KCNG3: variants seen among roughly 807,000 people sequenced by gnomAD.
KCNG3 encodes potassium voltage-gated channel modifier subfamily G member 3.
Under a neutral mutation model 29.0 loss-of-function variants are expected in KCNG3, and 15 were observed. The ratio of observed to expected loss-of-function variants is 0.52; its 90% CI spans 0.35 to 0.80. The LOEUF is 0.80. KCNG3 is among the 30% of genes least tolerant of loss of function. KCNG3 has a pLI of 0.01. For synonymous variants in KCNG3, 322 were observed against 248.9 expected, an observed-to-expected ratio of 1.29 and a Z score of -2.76; for missense variants, 512 against 605.7, an observed-to-expected ratio of 0.85 and a Z score of 1.62.
chr2:42,438,230 A>G (rs2103651724), downstream of KCNG3, among the ~76,000 whole-genome samples: 1 of 152,316 alleles, frequency 6.6e-6, no homozygotes, highest in East Asian at 1.9e-4. Context: ...CCTGTGTAAC[A>G]TAGGGAGACC....
chr2:42,437,245 A>C (rs1332694236), downstream of KCNG3, among the ~76,000 whole-genome samples: 8 of 152,338 alleles, frequency 5.3e-5, no homozygotes, highest in South Asian at 2.1e-4. Flanking sequence ...GATCTTTTTA[A>C]ACAGGGTTAA....
the KCNG3 span, among the ~76,000 whole-genome samples, chr2:42,430,491 C>T: frequency 6.6e-6 from 1 of 151,610 alleles, no homozygotes. Flanking sequence ...GGCTCATGCC[C>T]GTAATCCCAG....
the KCNG3 span, among the ~76,000 whole-genome samples, chr2:42,434,641 A>G: frequency 1.4e-5 from 2 of 146,128 alleles, no homozygotes; most frequent in East Asian, 4.0e-4. Context: ...ACTCCAGCCT[A>G]AGCAACAAGA....
the KCNG3 span, among the ~76,000 whole-genome samples, chr2:42,394,309 G>C: frequency 1.3e-5 from 2 of 152,096 alleles, no homozygotes; most frequent in Non-Finnish European, 2.9e-5. Flanking sequence ...ACAGTCTGCC[G>C]ACACCACGGC....
chr2:42,441,647 C>T (rs891030495), downstream of KCNG3, among the ~76,000 whole-genome samples: 6 of 90,554 alleles, frequency 6.6e-5, no homozygotes, highest in African/African-American at 1.9e-4. Flanking sequence ...CAAGAGATTT[C>T]ACACTTGTTA....
intron 1 of KCNG3, among the ~76,000 whole-genome samples, chr2:42,478,648 T>C (rs1339066987): frequency 2.0e-5 from 3 of 152,178 alleles, no homozygotes; most frequent in African/African-American, 4.8e-5. Context: ...GAAGCCCTTC[T>C]GGGACACCCC....
the KCNG3 span, among the ~76,000 whole-genome samples, chr2:42,389,179 A>G: frequency 6.6e-6 from 1 of 152,066 alleles, no homozygotes; most frequent in African/African-American, 2.4e-5. Flanking sequence ...CAGCCTCCCA[A>G]AGTGCTAGGA....
In KCNG3 at chr2:42,444,631, T is replaced by TA. The variant is rs1005866613; in HGVS notation, c.666-53dup. On this transcript the variant is annotated intron_variant, in intron 1 of 1. Transcript: ENST00000306078. The surrounding 1 kb of genome is among the most constrained non-coding windows in gnomAD (Gnocchi z 5.8). ...ATCATTTTATTTTTAAGCATTTTAATAGCTCTTAGATTTCTTCAGATAGTA... is the reference window on the plus strand; with the variant it reads ...ATCATTTTATTTTTAAGCATTTTAATAAGCTCTTAGATTTCTTCAGATAGTA... 4.0e-6 allele frequency: 6 copies of TA among 1,496,666 alleles called. No individual in the cohort carries two copies. The highest frequency in any genetic ancestry group is 4.5e-6 in the Non-Finnish European group (5 of 1,101,090). 92.7% of individuals were successfully genotyped at this position (1,496,666 alleles called of 1,614,324 possible). A position where few individuals can be genotyped will look rare whatever the true frequency, so the allele number is the denominator to read the frequency against.
At chr2:42,464,317 T>C (rs1673090284) in intron 1 of KCNG3, among the ~76,000 whole-genome samples, 1 of 152,144 alleles carries the variant, frequency 6.6e-6, no homozygotes, top group African/African-American at 2.4e-5. Context: ...TCCACCTGCC[T>C]TGGCCTCCCA....
intron 1 of KCNG3, among the ~76,000 whole-genome samples, chr2:42,450,546 A>G (rs1672722520): frequency 6.6e-6 from 1 of 152,226 alleles, no homozygotes; most frequent in Non-Finnish European, 1.5e-5. Flanking sequence ...AAGAAACTAA[A>G]GATACATCAC....
chr2:42,417,595 T>C, the KCNG3 span, among the ~76,000 whole-genome samples: 3 of 152,198 alleles, frequency 2.0e-5, no homozygotes, highest in African/African-American at 7.2e-5. Context: ...GTGCTGGGAC[T>C]ACAGGCGTGA....
At chr2:42,408,955 G>A in the KCNG3 span, among the ~76,000 whole-genome samples, 1 of 152,124 alleles carries the variant, frequency 6.6e-6, no homozygotes. Flanking sequence ...CCCGATGCAA[G>A]CCATGGAATC....
chr2:42,434,591 G>A, the KCNG3 span, among the ~76,000 whole-genome samples: 19 of 146,040 alleles, frequency 1.3e-4, no homozygotes, highest in Admixed American at 8.3e-4. Context: ...GCTTGAACCC[G>A]GGAGACAGAG....
At chr2:42,395,148 G>A in the KCNG3 span, among the ~76,000 whole-genome samples, 4 of 152,156 alleles carry the variant, frequency 2.6e-5, no homozygotes, top group African/African-American at 9.7e-5. Context: ...TAATTCATCG[G>A]TTATAGATTT....
chr2:42,466,671 G>C (rs529130350), intron 1 of KCNG3, among the ~76,000 whole-genome samples: 6 of 151,974 alleles, frequency 3.9e-5, no homozygotes, highest in Middle Eastern at 3.4e-3. Flanking sequence ...CTGTTGGTGG[G>C]AGTACAGAAT....
the KCNG3 span, among the ~76,000 whole-genome samples, chr2:42,391,810 G>A: frequency 6.6e-6 from 1 of 151,182 alleles, no homozygotes; most frequent in Non-Finnish European, 1.5e-5. Context: ...CACCGTTTTA[G>A]CCGGGATGGT....
At chr2:42,439,605 A>G (rs1196781638), downstream of KCNG3, among the ~76,000 whole-genome samples, 1 of 149,558 alleles carries the variant, frequency 6.7e-6, no homozygotes, top group East Asian at 2.0e-4. Context: ...AAAAAGAAAA[A>G]GAAAAAGGAA....
the KCNG3 span, among the ~76,000 whole-genome samples, chr2:42,402,176 T>C: frequency 6.6e-6 from 1 of 152,198 alleles, no homozygotes; most frequent in African/African-American, 2.4e-5. Context: ...CTGGGACATC[T>C]ACCTGCCCTT....
At chr2:42,418,414 C>G in the KCNG3 span, among the ~76,000 whole-genome samples, 1 of 152,052 alleles carries the variant, frequency 6.6e-6, no homozygotes, top group Non-Finnish European at 1.5e-5. Flanking sequence ...TAGAAGTACC[C>G]AAAAACATAC....
Sources: allele counts gnomAD v4.1 joint callset (sites outside exome capture counted in the v4.1 genomes callset), GRCh38; gene constraint gnomAD v4.1.1; non-coding constraint Gnocchi (gnomAD v3.1); transcripts MANE v1.5; gene names NCBI Gene and HGNC (gene_info 2026-07-23, HGNC 2026-07-21).